The following SYNJ2 variants were observed in gnomAD, a reference collection of about 807,000 sequenced individuals.
SYNJ2 encodes synaptojanin 2, also known as polyphosphatidylinositol phosphatase SYNJ2.
In SYNJ2, 116 loss-of-function variants were observed where a neutral mutation model predicts 141.3. The observed-to-expected ratio is 0.82, with a 90% CI of 0.71 to 0.96. SYNJ2 has a LOEUF of 0.96. Among genes scored for constraint, SYNJ2 ranks in the 40% least tolerant of loss-of-function variants. The pLI is 0.00. For synonymous variants in SYNJ2, 745 were observed against 777.7 expected, an observed-to-expected ratio of 0.96 and a Z score of 0.70; for missense variants, 1,873 against 1,934.8, an observed-to-expected ratio of 0.97 and a Z score of 0.60.
intron 20 of SYNJ2, 48 bp from the exon 21 acceptor site, chr6:158,083,381 G>A (rs758068461): frequency 6.3e-7 from 1 of 1,596,446 alleles, no homozygotes; most frequent in Non-Finnish European, 8.6e-7. Flanking sequence ...ATCAACAGGA[G>A]GGGTCATGAT....
intron 4 of SYNJ2, among the ~76,000 whole-genome samples, chr6:158,034,966 G>A (rs1449177371): frequency 6.6e-6 from 1 of 152,166 alleles, no homozygotes; most frequent in Non-Finnish European, 1.5e-5. Context: ...GTTTTTGTCA[G>A]GTTGGTCAAA....
In SYNJ2 at chr6:158,096,174, C is replaced by T. The variant is rs1330643525; in HGVS notation, c.4301C>T (p.Ser1434Leu). 2 of 1,614,252 alleles carry T rather than the reference C, an allele frequency of 1.2e-6. No homozygotes were observed. The highest frequency in any genetic ancestry group is 3.3e-5 in the Admixed American group (2 of 60,036). Residue 1434 changes from serine to leucine, a missense_variant, in exon 27 of 27, where the codon TCA becomes TTA. Physicochemically the swap from Ser to Leu is moderately radical, Grantham distance 145. Coordinates refer to ENST00000355585, the MANE Select transcript of SYNJ2 (RefSeq NM_003898.4). ...LLNNTWLSKS[S>L]DPLDSGTRSP... Reference sequence around the variant, plus strand: ...AATAACACTTGGCTTTCTAAGAGCTCAGACCCTTTGGACTCAGGAACCAGG... The same window carrying T: ...AATAACACTTGGCTTTCTAAGAGCTTAGACCCTTTGGACTCAGGAACCAGG...
intron 21 of SYNJ2, 54 bp downstream of exon 21, chr6:158,083,651 G>C: frequency 6.2e-7 from 1 of 1,606,698 alleles, no homozygotes; most frequent in Non-Finnish European, 8.5e-7. Flanking sequence ...CAACAGGCCT[G>C]AGCTTTTAAG....
rs563442307 is a variant in SYNJ2, at chr6:158,071,184, A to G, written c.1941-418A>G. On this transcript the variant is annotated intron_variant, in intron 14 of 26. Transcript: ENST00000355585. The surrounding 1 kb of genome is among the most constrained non-coding windows in gnomAD (Gnocchi z 4.3). ...GGTGACAGAGCGAGACTCTGTCTCA[A>G]AATAACAATAATAATTTAAAAATGT... 3.3e-5 allele frequency among the ~76,000 whole-genome samples: 5 copies of G among 152,310 alleles called. No individual in the cohort carries two copies. The South Asian group carries it at 1.0e-3, about 32-fold the overall frequency.
Position 158,049,756 on chromosome 6 carries a change from C to G in SYNJ2, c.796-5211C>G, listed in dbSNP as rs1008129306. On this transcript the variant is annotated intron_variant, in intron 5 of 26. Transcript: ENST00000355585. ...TGCAGCTCTGCAGGTGGGGACACGG[C>G]TCTGCAGGTGGGGACATGGCTCTGC... Among the ~76,000 whole-genome samples, 16 of 152,220 alleles carry G rather than the reference C, an allele frequency of 1.1e-4. No individual in the cohort carries two copies. In the South Asian group the frequency reaches 1.2e-3, roughly 12 times the overall value.
intron 2 of SYNJ2, among the ~76,000 whole-genome samples, chr6:158,021,465 A>G (rs1054283906): frequency 5.9e-5 from 9 of 152,218 alleles, no homozygotes; most frequent in African/African-American, 1.9e-4. Flanking sequence ...CGGGCTGGCC[A>G]CAGGCAGTTT....
At chr6:158,030,042 C>T (rs1040999784) in intron 3 of SYNJ2, among the ~76,000 whole-genome samples, 1 of 152,200 alleles carries the variant, frequency 6.6e-6, no homozygotes, top group African/African-American at 2.4e-5. Context: ...TGTAGCAATG[C>T]ACTAAGACTA....
At chr6:158,058,123 G>A (rs1047637898) in intron 6 of SYNJ2, among the ~76,000 whole-genome samples, 1 of 152,102 alleles carries the variant, frequency 6.6e-6, no homozygotes, top group Non-Finnish European at 1.5e-5. Flanking sequence ...TCATAAACGT[G>A]TCATTACAGA....
Position 158,070,689 on chromosome 6 carries a change from C to T in SYNJ2, c.1941-913C>T, listed in dbSNP as rs953196086. On this transcript the variant is annotated intron_variant, in intron 14 of 26. Coordinates refer to ENST00000355585, the MANE Select transcript of SYNJ2 (RefSeq NM_003898.4). This position sits in a 1 kb window ranked among gnomAD's most constrained non-coding sequence, Gnocchi z 4.0. ...TCATCCCCCCAACCTTGTCTGCCAG[C>T]GAGCAGATGCACCAGCAGGCCTCAG... Among the ~76,000 whole-genome samples the T allele has an allele frequency of 9.2e-5, 14 of 152,064 alleles. No individual in the cohort carries two copies. Among genetic ancestry groups the T allele is most frequent in the African/African-American group, 1.7e-4 (7 of 41,402 alleles).
chr6:158,020,454 G>T lies in SYNJ2; in HGVS notation c.214+3164G>T, dbSNP rs145264620. 3.9e-3 allele frequency among the ~76,000 whole-genome samples: 588 copies of T among 150,346 alleles called. 4 individuals carry two copies. Among genetic ancestry groups the T allele is most frequent in the African/African-American group, 0.014 (561 of 40,746 alleles). ...ATTGTATGACTGACTCTAACTGTGT[G>T]ACTCCAACTGTGACTCCATCTGTAT... On this transcript the variant is annotated intron_variant, in intron 2 of 26. Transcript: ENST00000355585.
chr6:158,053,571 CCACTCATT>C (rs906244024), intron 5 of SYNJ2, among the ~76,000 whole-genome samples: 1 of 151,950 alleles, frequency 6.6e-6, no homozygotes, highest in African/African-American at 2.4e-5. Context: ...ATCCATTCAT[CCACTCATT>C]CACCCACCCA....
At chr6:158,083,199 C>G (rs1782810475) in intron 20 of SYNJ2, among the ~76,000 whole-genome samples, 1 of 152,130 alleles carries the variant, frequency 6.6e-6, no homozygotes, top group Non-Finnish European at 1.5e-5. Context: ...TCTCAGAGTG[C>G]TGGGATTACA....
intron 4 of SYNJ2, among the ~76,000 whole-genome samples, chr6:158,038,873 C>T (rs186053302): frequency 3.9e-4 from 59 of 152,174 alleles, no homozygotes; most frequent in African/African-American, 1.4e-3. Flanking sequence ...GCGTGTGCTG[C>T]GCGCAGCCCA....
Position 158,081,637 on chromosome 6 carries a change from T to A in SYNJ2, c.2865+127T>A, listed in dbSNP as rs1744176. The A allele has an allele frequency of 2.2e-4, 31 of 139,134 alleles. 4 individuals are homozygous for A. In the African/African-American group the frequency reaches 3.4e-3, roughly 15 times the overall value. The allele number at this position is 139,134 out of a possible 1,614,324, so 8.6% of individuals were successfully genotyped here. A position where few individuals can be genotyped will look rare whatever the true frequency, so the allele number is the denominator to read the frequency against. On this transcript the variant is annotated intron_variant, in intron 20 of 26. Transcript: ENST00000355585. ...TTTTTTTTTTTTTTTTTTTTTTTTC[T>A]CTGAGACAAAGTCTTGCTCTGTCAT...
chr6:158,041,764 C>T (rs1362258788), intron 4 of SYNJ2, among the ~76,000 whole-genome samples: 1 of 152,220 alleles, frequency 6.6e-6, no homozygotes, highest in African/African-American at 2.4e-5. Context: ...GCTGGAGTGT[C>T]GTGGTGCAAT....
At chr6:158,033,322 G>A in intron 3 of SYNJ2, 133 bp from the exon 4 acceptor site, 1 of 881,998 alleles carries the variant, frequency 1.1e-6, no homozygotes, top group Non-Finnish European at 1.8e-6. Context: ...AGTCCACTGG[G>A]GAGCAGCATG....
intron 1 of SYNJ2, among the ~76,000 whole-genome samples, chr6:158,009,250 C>T (rs1361925358): frequency 6.6e-6 from 1 of 152,198 alleles, no homozygotes; most frequent in East Asian, 1.9e-4. Flanking sequence ...TTGATCTTAT[C>T]TATCCTGGCA....
intron 18 of SYNJ2, among the ~76,000 whole-genome samples, chr6:158,079,664 T>C (rs776248832): frequency 3.3e-5 from 5 of 152,196 alleles, no homozygotes; most frequent in Non-Finnish European, 7.3e-5. Flanking sequence ...ATGCCCAGAC[T>C]CTTTAGATAA....
Position 158,098,386 on chromosome 6 carries a change from G to C in SYNJ2, c.*2022G>C, listed in dbSNP as rs1445247648. The C allele has an allele frequency of 6.6e-6, 1 of 152,146 alleles. No individual in the cohort carries two copies. Among genetic ancestry groups the C allele is most frequent in the African/African-American group, 2.4e-5 (1 of 41,424 alleles). 9.4% of individuals were successfully genotyped at this position (152,146 alleles called of 1,614,324 possible). A position where few individuals can be genotyped will look rare whatever the true frequency, so the allele number is the denominator to read the frequency against. ...GTCTGACCGTAAGTAAAAACACACA[G>C]AATTGTGTTGACTGGGGGAGGTGAA... On this transcript the variant is annotated 3_prime_UTR_variant, in exon 27 of 27. Transcript: ENST00000355585.
Sources: gnomAD v4.1 joint callset for allele counts (sites outside exome capture counted in the v4.1 genomes callset) on GRCh38, gnomAD v4.1.1 for gene constraint, Gnocchi (gnomAD v3.1) non-coding constraint, MANE v1.5 for transcripts, NCBI Gene and HGNC (gene_info 2026-07-23, HGNC 2026-07-21) for gene names.